Variants in SNX30 observed in about 807,000 individuals in gnomAD.
SNX30 encodes the protein sorting nexin family member 30, also known as sorting nexin-30.
Under a neutral mutation model 46.4 loss-of-function variants are expected in SNX30, and 24 were observed. The ratio of observed to expected loss-of-function variants is 0.52; its 90% CI spans 0.37 to 0.73. SNX30 has a LOEUF of 0.73. SNX30 is among the 30% of genes least tolerant of loss of function. SNX30 has a pLI of 0.00. For missense variants in SNX30, 533 were observed against 555.7 expected (o/e 0.96, Z 0.41); for synonymous variants, 189 against 211.5 (o/e 0.89, Z 0.92).
chr9:112,875,220 A>G (rs1288188358), downstream of SNX30: 2 of 152,148 alleles, frequency 1.3e-5, no homozygotes, highest in African/African-American at 2.4e-5. Flanking sequence ...ATCTGCACCA[A>G]TCTGGGGAGA....
chr9:112,790,543 C>T (rs1478810656), intron 1 of SNX30, among the ~76,000 whole-genome samples: 2 of 152,156 alleles, frequency 1.3e-5, no homozygotes, highest in Non-Finnish European at 2.9e-5. Flanking sequence ...TGCTCTGATC[C>T]GATGTACATT....
intron 2 of SNX30, among the ~76,000 whole-genome samples, chr9:112,816,872 C>G (rs1285957239): frequency 6.6e-6 from 1 of 152,032 alleles, no homozygotes; most frequent in Non-Finnish European, 1.5e-5. Flanking sequence ...TAATTTGTGC[C>G]AGTAAATGAG....
chr9:112,794,835 G>A (rs1840083404), intron 1 of SNX30, among the ~76,000 whole-genome samples: 1 of 152,160 alleles, frequency 6.6e-6, no homozygotes, highest in Admixed American at 6.5e-5. Flanking sequence ...AACCAGAGGA[G>A]TTTGTAAAGC....
downstream of SNX30, among the ~76,000 whole-genome samples, chr9:112,876,403 C>T (rs1201593377): frequency 6.6e-6 from 1 of 151,474 alleles, no homozygotes; most frequent in Non-Finnish European, 1.5e-5. Flanking sequence ...CACTTGAGCC[C>T]AAGAGTTAAA....
At chr9:112,819,238 C>T (rs1840452660) in intron 3 of SNX30, among the ~76,000 whole-genome samples, 1 of 150,232 alleles carries the variant, frequency 6.7e-6, no homozygotes, top group Middle Eastern at 3.4e-3. Context: ...GTCTTTTATT[C>T]CAAGTTCCTT....
rs1418223293 is a variant in SNX30, at chr9:112,768,658, T to C, written c.156+17501T>C. Reference sequence around the variant, plus strand: ...GATAATTCTTTCTTCTTTTTTTTTTTTTTTTTTTTTTTTTTTTGAGACGGT... The same window carrying C: ...GATAATTCTTTCTTCTTTTTTTTTTCTTTTTTTTTTTTTTTTTGAGACGGT... On this transcript the variant is annotated intron_variant, in intron 1 of 8. Transcript: ENST00000374232. Among the ~76,000 whole-genome samples, 73 of 139,402 alleles carry C rather than the reference T, an allele frequency of 5.2e-4. 2 individuals carry two copies. The highest frequency in any genetic ancestry group is 4.8e-3 in the East Asian group (23 of 4,840). The allele number at this position is 139,402 out of a possible 152,430, so 91.5% of individuals were successfully genotyped here.
At chr9:112,860,741 A>T (rs1395494228) in intron 7 of SNX30, among the ~76,000 whole-genome samples, 1 of 152,214 alleles carries the variant, frequency 6.6e-6, no homozygotes, top group Non-Finnish European at 1.5e-5. Flanking sequence ...TGTTTGGGAG[A>T]ACATATAATA....
At chr9:112,875,495 A>G (rs80026860), downstream of SNX30, among the ~76,000 whole-genome samples, 2,505 of 152,360 alleles carry the variant, frequency 0.016, 38 homozygotes, top group Non-Finnish European at 0.026. Context: ...TCATGGATCA[A>G]ATCTCAGCTT....
chr9:112,858,794 C>T (rs906629213), intron 7 of SNX30, among the ~76,000 whole-genome samples: 17 of 152,076 alleles, frequency 1.1e-4, no homozygotes, highest in African/African-American at 1.9e-4. Flanking sequence ...TTTCTGTGCC[C>T]GCCTTTCTGC....
intron 1 of SNX30, among the ~76,000 whole-genome samples, chr9:112,777,933 T>G (rs1329462174): frequency 6.6e-6 from 1 of 152,166 alleles, no homozygotes; most frequent in African/African-American, 2.4e-5. Flanking sequence ...AAAACACAAA[T>G]GTACTGTGAT....
intron 1 of SNX30, among the ~76,000 whole-genome samples, chr9:112,780,567 A>C (rs1839829660): frequency 6.6e-6 from 1 of 152,170 alleles, no homozygotes; most frequent in Non-Finnish European, 1.5e-5. Context: ...ACCAAAATCC[A>C]AGAAGAATGG....
At chr9:112,755,941 G>T (rs1445897428) in intron 1 of SNX30, among the ~76,000 whole-genome samples, 1 of 152,106 alleles carries the variant, frequency 6.6e-6, no homozygotes, top group African/African-American at 2.4e-5. Context: ...AATTGGGTCA[G>T]GCGCCTAAAC....
Position 112,871,642 on chromosome 9 carries a change from C to T in SNX30, c.*2799C>T, listed in dbSNP as rs931037333. 1.9e-4 allele frequency: 29 copies of T among 152,134 alleles called. No homozygotes were observed. Among genetic ancestry groups the T allele is most frequent in the African/African-American group, 7.0e-4 (29 of 41,506 alleles). The allele number at this position is 152,134 out of a possible 1,614,324, so 9.4% of individuals were successfully genotyped here. On this transcript the variant is annotated 3_prime_UTR_variant, in exon 9 of 9. Transcript: ENST00000374232. ...GAATACATGGCAGTGGAATACAAGG[C>T]CCTCCCTAGCAGCCGCCCCAGGCCT... is the stretch of plus-strand genomic sequence containing the variant.
In SNX30 at chr9:112,850,879, C is replaced by T; in HGVS notation, c.1035C>T (p.Asp345=). Residue 345 remains aspartate, a synonymous_variant, in exon 7 of 9, where the codon GAC becomes GAT. Coordinates refer to ENST00000374232, the MANE Select transcript of SNX30 (RefSeq NM_001012994.2). Reference sequence around the variant, plus strand: ...CACAGAGTGTATTGAAGAAGAGGGACCAAGTTCAAGCAGAGTATGAAGCCA... The same window carrying T: ...CACAGAGTGTATTGAAGAAGAGGGATCAAGTTCAAGCAGAGTATGAAGCCA... ...DSMKSVLKKR[D]QVQAEYEAKL... is the part of the protein sequence containing the mutation. 6.2e-7 allele frequency: 1 copy of T among 1,613,766 alleles called. No homozygotes were observed. The highest frequency in any genetic ancestry group is 8.5e-7 in the Non-Finnish European group (1 of 1,179,894).
chr9:112,808,205 C>G (rs2131407514), intron 2 of SNX30, among the ~76,000 whole-genome samples: 1 of 152,352 alleles, frequency 6.6e-6, no homozygotes, highest in East Asian at 1.9e-4. Flanking sequence ...ACTTCCACTT[C>G]TGCAGAGGTC....
rs1841179202 is a variant in SNX30 at position 112,858,853 on chromosome 9, G to T, written c.1102-5394G>T. Among the ~76,000 whole-genome samples, 2 of 151,964 alleles carry T rather than the reference G, an allele frequency of 1.3e-5. 1 individual carries two copies. Among genetic ancestry groups the T allele is most frequent in the Admixed American group, 1.3e-4 (2 of 15,246 alleles). On this transcript the variant is annotated intron_variant, in intron 7 of 8. Transcript: ENST00000374232. ...TCCTTTATTAACCCTACACATGCTGGCTTCTCTGTGAGTTCAAACCTTGGG... is the reference window on the plus strand; with the variant it reads ...TCCTTTATTAACCCTACACATGCTGTCTTCTCTGTGAGTTCAAACCTTGGG...
downstream of SNX30, among the ~76,000 whole-genome samples, chr9:112,881,916 A>G (rs1841582316): frequency 6.6e-6 from 1 of 152,154 alleles, no homozygotes; most frequent in African/African-American, 2.4e-5. Flanking sequence ...ATGGTGTTTC[A>G]GTTAAGACCA....
Position 112,868,804 on chromosome 9 carries a change from G to A in SNX30, c.1275G>A (p.Ser425=), listed in dbSNP as rs199895275. ...YYEKCLMAWE[S]IIPLLQEKQE... ...TCCAGTGCCTCATGGCGTGGGAGTC[G>A]ATTATTCCACTACTGCAGGAGAAAC... The change falls in exon 9 of 9, where the codon TCG becomes TCA. Residue 425 remains serine (S), a synonymous_variant. Coordinates refer to ENST00000374232, the MANE Select transcript of SNX30 (RefSeq NM_001012994.2). 10 of 1,613,930 alleles carry A rather than the reference G, an allele frequency of 6.2e-6. No individual in the cohort carries two copies. The highest frequency in any genetic ancestry group is 4.0e-5 in the African/African-American group (3 of 74,922).
At chr9:112,758,971 A>T (rs746671847) in intron 1 of SNX30, among the ~76,000 whole-genome samples, 1 of 152,090 alleles carries the variant, frequency 6.6e-6, no homozygotes. Flanking sequence ...GCACGTGCAC[A>T]CACAGAGAGA....
Sources: gnomAD v4.1 joint callset for allele counts (sites outside exome capture counted in the v4.1 genomes callset) on GRCh38, gnomAD v4.1.1 for gene constraint, MANE v1.5 for transcripts, NCBI Gene and HGNC (gene_info 2026-07-23, HGNC 2026-07-21) for gene names.